The following DET1 variants were observed in gnomAD, a reference collection of about 807,000 sequenced individuals.
DET1 encodes the protein DET1 homolog.
Under a neutral mutation model 43.7 loss-of-function variants are expected in DET1, and 22 were observed. The observed-to-expected ratio is 0.50, with a 90% CI of 0.36 to 0.72. The LOEUF (loss-of-function observed/expected upper bound fraction) is 0.72, where lower values mean the gene tolerates loss of function less well. Among genes scored for constraint, DET1 ranks in the 30% least tolerant of loss-of-function variants. The pLI is 0.00. For missense variants in DET1, 713 were observed against 713.3 expected (o/e 1.00, Z 0.00); for synonymous variants, 315 against 266.2 (o/e 1.18, Z -1.79).
In DET1 at chr15:88,523,339, G is replaced by T. The variant is rs533069333; in HGVS notation, c.1271+4260C>A. On this transcript the variant is annotated intron_variant, in intron 3 of 4. Transcript: ENST00000268148. Reference sequence around the variant, plus strand: ...TTTCATTGATTTTTACCAAAAGATTGCTGGGAAAAGATTACTATAAAATTT... The same window carrying T: ...TTTCATTGATTTTTACCAAAAGATTTCTGGGAAAAGATTACTATAAAATTT... Among the ~76,000 whole-genome samples, 18 of 152,172 alleles carry T rather than the reference G, an allele frequency of 1.2e-4. No homozygotes were observed. In the South Asian group the frequency reaches 3.3e-3, roughly 28 times the overall value.
chr15:88,517,096 A>G, intron 3 of DET1, 123 bp from the exon 4 acceptor site: 1 of 720,102 alleles, frequency 1.4e-6, no homozygotes, highest in Non-Finnish European at 2.2e-6. Flanking sequence ...AAACCTAGGT[A>G]ATGAATTAAG....
intron 3 of DET1, among the ~76,000 whole-genome samples, chr15:88,521,418 T>C (rs1367502289): frequency 6.6e-6 from 1 of 152,238 alleles, no homozygotes; most frequent in Non-Finnish European, 1.5e-5. Flanking sequence ...ACACTTTTCT[T>C]GGACTCCTCC....
rs1170849297 is a variant in DET1, at chr15:88,538,581, A to G, written c.-10-6866T>C. ...ATTAGCCGTCTCTCGGTCACCGGCT[A>G]GTAAAGGACTCTTAATTAGTCTCAA... On this transcript the variant is annotated intron_variant, in intron 1 of 4. Transcript: ENST00000268148. Among the ~76,000 whole-genome samples the G allele has an allele frequency of 3.3e-5, 5 of 152,274 alleles. No individual in the cohort carries two copies. The East Asian group carries it at 9.6e-4, about 29-fold the overall frequency.
At chr15:88,522,593 C>A (rs2056527595) in intron 3 of DET1, among the ~76,000 whole-genome samples, 1 of 142,010 alleles carries the variant, frequency 7.0e-6, no homozygotes, top group African/African-American at 2.6e-5. Flanking sequence ...ACTGCAAGCT[C>A]CGCCTCCTGG....
At chr15:88,526,205 C>T (rs1401611672) in intron 3 of DET1, among the ~76,000 whole-genome samples, 1 of 152,204 alleles carries the variant, frequency 6.6e-6, no homozygotes. Flanking sequence ...TTTATATAAA[C>T]ATGATGCCAC....
In DET1 at chr15:88,504,324, C is replaced by T. The variant is rs1219151014; in HGVS notation, c.*2066-337G>A. On this transcript the variant is annotated intron_variant and NMD_transcript_variant, in intron 7 of 8. Transcript: ENST00000557842. The surrounding 1 kb of genome is among the most constrained non-coding windows in gnomAD (Gnocchi z 4.7). ...AAGCCTTGAAAGTGGCACATCATCA[C>T]TTCTACTGTGTTTTATTGGTCATGC... 2 of 152,128 alleles carry T rather than the reference C, an allele frequency of 1.3e-5. No homozygotes were observed. Among genetic ancestry groups the T allele is most frequent in the Non-Finnish European group, 2.9e-5 (2 of 68,034 alleles). 9.4% of individuals were successfully genotyped at this position (152,128 alleles called of 1,614,324 possible).
intron 2 of DET1, among the ~76,000 whole-genome samples, chr15:88,530,155 C>T (rs536516964): frequency 6.6e-6 from 1 of 152,160 alleles, no homozygotes; most frequent in Non-Finnish European, 1.5e-5. Context: ...CTTTATAGTA[C>T]TTTACAGAGA....
At chr15:88,519,314 G>C (rs2056429178) in intron 3 of DET1, among the ~76,000 whole-genome samples, 1 of 152,036 alleles carries the variant, frequency 6.6e-6, no homozygotes, top group Non-Finnish European at 1.5e-5. Flanking sequence ...ACCTCTCTTA[G>C]TTCTCGGTAA....
At chr15:88,510,600 G>A (rs887278579), downstream of DET1, among the ~76,000 whole-genome samples, 2 of 152,094 alleles carry the variant, frequency 1.3e-5, no homozygotes, top group Non-Finnish European at 2.9e-5. Flanking sequence ...TGACTTACAA[G>A]ACTGCAAAAG....
chr15:88,545,308 G>A (rs991293281), intron 1 of DET1, among the ~76,000 whole-genome samples: 1 of 152,058 alleles, frequency 6.6e-6, no homozygotes, highest in Non-Finnish European at 1.5e-5. Context: ...AAAAATCCTG[G>A]TCTCATGGAG....
At chr15:88,545,074 C>T (rs1196842792) in intron 1 of DET1, among the ~76,000 whole-genome samples, 1 of 152,110 alleles carries the variant, frequency 6.6e-6, no homozygotes, top group Non-Finnish European at 1.5e-5. Context: ...ATCAGTTTTT[C>T]TGCCCTGATT....
chr15:88,544,803 C>T (rs1012601303), intron 1 of DET1, among the ~76,000 whole-genome samples: 16 of 152,128 alleles, frequency 1.1e-4, no homozygotes, highest in Admixed American at 7.9e-4. Flanking sequence ...GCAAACACCA[C>T]TTGGAGGGCC....
At chr15:88,536,315 T>C (rs1197182184) in intron 1 of DET1, 2 of 778,768 alleles carry the variant, frequency 2.6e-6, no homozygotes, top group Non-Finnish European at 4.8e-6. Flanking sequence ...TGTTTACCTT[T>C]TTAGTATCTG....
intron 3 of DET1, among the ~76,000 whole-genome samples, chr15:88,517,628 G>A (rs1234525662): frequency 6.6e-6 from 1 of 152,090 alleles, no homozygotes; most frequent in African/African-American, 2.4e-5. Context: ...GCTCAACTGG[G>A]GAAAAAGGTC....
intron 3 of DET1, among the ~76,000 whole-genome samples, chr15:88,517,464 G>A (rs1050125822): frequency 7.9e-5 from 12 of 152,016 alleles, no homozygotes; most frequent in Admixed American, 1.3e-4. Context: ...GGGTTCAACT[G>A]ATCTGCCCGC....
At chr15:88,502,613 G>A (rs1385480867) in intron 8 of DET1, 2 of 152,144 alleles carry the variant, frequency 1.3e-5, no homozygotes, top group Non-Finnish European at 2.9e-5. Flanking sequence ...ACTCGCCTGG[G>A]GTGCTGCAAA....
chr15:88,517,821 G>A (rs2056386938), intron 3 of DET1, among the ~76,000 whole-genome samples: 1 of 152,176 alleles, frequency 6.6e-6, no homozygotes, highest in African/African-American at 2.4e-5. Flanking sequence ...CTATATTCCT[G>A]CAGAGACACC....
intron 3 of DET1, 45 bp from the exon 4 acceptor site, chr15:88,517,018 A>G: frequency 1.4e-6 from 2 of 1,413,084 alleles, no homozygotes; most frequent in Non-Finnish European, 1.9e-6. Flanking sequence ...GTGAGTACAC[A>G]AAGCTGTCTT....
intron 3 of DET1, among the ~76,000 whole-genome samples, chr15:88,517,451 C>A (rs183227891): frequency 2.7e-4 from 41 of 152,102 alleles, no homozygotes; most frequent in African/African-American, 9.2e-4. Context: ...GTCTTGAACT[C>A]CTGGGTTCAA....
Sources: gnomAD v4.1 joint callset for allele counts (sites outside exome capture counted in the v4.1 genomes callset) on GRCh38, gnomAD v4.1.1 for gene constraint, Gnocchi (gnomAD v3.1) non-coding constraint, MANE v1.5 for transcripts, NCBI Gene and HGNC (gene_info 2026-07-23, HGNC 2026-07-21) for gene names.